The following ZNF384 variants were observed in gnomAD, a reference collection of about 807,000 sequenced individuals.
ZNF384 encodes zinc finger protein 384.
A neutral mutation model predicts 65.0 loss-of-function variants in ZNF384; 20 were observed. The ratio of observed to expected loss-of-function variants is 0.31; its 90% CI spans 0.22 to 0.45. The LOEUF (loss-of-function observed/expected upper bound fraction) is 0.45. Among genes scored for constraint, ZNF384 ranks in the 20% least tolerant of loss-of-function variants. ZNF384 has a pLI of 1.00. For missense variants in ZNF384, 549 were observed against 769.4 expected, an observed-to-expected ratio of 0.71 and a Z score of 3.39; for synonymous variants, 310 against 303.9, an observed-to-expected ratio of 1.02 and a Z score of -0.21.
In ZNF384 at chr12:6,667,972, GGCCTGGGCTTGAGCCTGAGCCTGA is replaced by G. The variant is rs761791479; in HGVS notation, c.1545_1568del (p.Gln520_Ala527del). The G allele has an allele frequency of 1.2e-5, 19 of 1,611,874 alleles. No individual in the cohort carries two copies. The South Asian group carries it at 1.4e-4, about 12-fold the overall frequency. Reference sequence around the variant, plus strand: ...GTGATGCCTGGGAGGCCTGGGCCTGGGCCTGGGCTTGAGCCTGAGCCTGAGCCTGGGCTTGAGCTTGAGCCTGGG... The same window carrying G: ...GTGATGCCTGGGAGGCCTGGGCCTGGGCCTGGGCTTGAGCTTGAGCCTGGG... On this transcript the variant is annotated inframe_deletion, in exon 12 of 12. Transcript: ENST00000683879.
chr12:6,688,409 G>A (rs1958732499), intron 1 of ZNF384, 183 bp from the exon 2 acceptor site: 1 of 152,254 alleles, frequency 6.6e-6, no homozygotes. Flanking sequence ...GTGGATACAA[G>A]AGAAATAAAT....
intron 2 of ZNF384, among the ~76,000 whole-genome samples, chr12:6,683,631 C>A: frequency 7.2e-6 from 1 of 139,332 alleles, no homozygotes. Context: ...CACCACAGTC[C>A]AGCCTGGGTG....
At position 6,672,096 on chromosome 12, in the gene ZNF384, G is replaced by C. The variant is rs1951716515; in HGVS notation, c.1187+254C>G. The C allele has an allele frequency of 2.3e-6, 1 of 438,576 alleles. No homozygotes were observed. Among genetic ancestry groups the C allele is most frequent in the Non-Finnish European group, 4.1e-6 (1 of 242,660 alleles). The allele number at this position is 438,576 out of a possible 1,614,324, so 27.2% of individuals were successfully genotyped here. On this transcript the variant is annotated intron_variant, in intron 9 of 11. Coordinates refer to ENST00000683879, the MANE Select transcript of ZNF384 (RefSeq NM_001385745.1). This position sits in a 1 kb window ranked among gnomAD's most constrained non-coding sequence, Gnocchi z 4.4. Reference sequence around the variant, plus strand: ...AAAGTTGTTTCTACTCCAGGTACGTGTCTGTCTCCCATGGATCAGTGAATA... The same window carrying C: ...AAAGTTGTTTCTACTCCAGGTACGTCTCTGTCTCCCATGGATCAGTGAATA...
Position 6,670,754 on chromosome 12 carries a change from A to G in ZNF384, c.1266+6T>C. The G allele has an allele frequency of 1.9e-6, 3 of 1,613,950 alleles. No homozygotes were observed. Among genetic ancestry groups the G allele is most frequent in the Non-Finnish European group, 2.5e-6 (3 of 1,179,884 alleles). ...CAAGGTCTTGTGTGGAGGGTGGAAC[A>G]TTTACCTGCAGATTGGAGAGTTGTG... On this transcript the variant is annotated splice_donor_region_variant and intron_variant, in intron 10 of 11. Transcript: ENST00000683879.
At chr12:6,674,419 G>C (rs999772510) in intron 7 of ZNF384, among the ~76,000 whole-genome samples, 3 of 152,236 alleles carry the variant, frequency 2.0e-5, no homozygotes, top group Non-Finnish European at 2.9e-5. Context: ...AGTGTAAAAT[G>C]GGAGCTGGTA....
chr12:6,679,165 T>G lies in ZNF384; in HGVS notation c.85A>C (p.Ile29Leu), dbSNP rs765233953. 8.8e-6 allele frequency: 14 copies of G among 1,589,364 alleles called. No individual in the cohort carries two copies. The highest frequency in any genetic ancestry group is 1.2e-5 in the Non-Finnish European group (14 of 1,165,864). ...VSGQIENTMF[I>L]NKMKDQLLPE... ...AACAGCTGATCCTTCATCTTGTTGATGAACATTGTGTTCTCGATCTAAGAG... is the reference window on the plus strand; with the variant it reads ...AACAGCTGATCCTTCATCTTGTTGAGGAACATTGTGTTCTCGATCTAAGAG... Residue 29 changes from isoleucine to leucine, a missense_variant, in exon 4 of 12, where the codon ATC becomes CTC. This residue lies in a region of ZNF384 where 277 missense variants were observed against 337.2 expected (regional missense o/e 0.82). Transcript: ENST00000683879.
In ZNF384 at chr12:6,668,104, A is replaced by T. The variant is rs1011038476; in HGVS notation, c.1437T>A (p.Leu479=). The change falls in exon 12 of 12, where the codon CTT becomes CTA. Residue 479 remains leucine (L), a synonymous_variant. Transcript: ENST00000683879. ...CSRAYTSETY[L]MKHMRKHNPP... ...GGTTGTGTTTGCGCATATGTTTCAT[A>T]AGGTATGTTTCCTGAGGGAGATGGT... 5.6e-6 allele frequency: 9 copies of T among 1,594,198 alleles called. No homozygotes were observed. Among genetic ancestry groups the T allele is most frequent in the Non-Finnish European group, 6.8e-6 (8 of 1,168,650 alleles).
At chr12:6,689,446 A>G (rs1959165924), upstream of ZNF384, 1 of 152,228 alleles carries the variant, frequency 6.6e-6, no homozygotes, top group Non-Finnish European at 1.5e-5. Context: ...ACAGGCTCAG[A>G]GAAGAGCTCT....
In ZNF384 at chr12:6,669,152, T is replaced by C. The variant is rs1176215245; in HGVS notation, c.1304A>G (p.Lys435Arg). 1 of 1,613,418 alleles carries C rather than the reference T, an allele frequency of 6.2e-7. No homozygotes were observed. The highest frequency in any genetic ancestry group is 8.5e-7 in the Non-Finnish European group (1 of 1,179,696). Residue 435 changes from lysine to arginine, a missense_variant, in exon 11 of 12, where the codon AAG (lysine) becomes AGG (arginine). Lys to Arg is a conservative substitution (Grantham distance 26). This residue lies in a region of ZNF384 where 38 missense variants were observed against 99.7 expected (regional missense o/e 0.38). Transcript: ENST00000683879. Reference protein sequence around the residue: ...RRQHNKDKPFKCHNCHRAYTD... With the variant: ...RRQHNKDKPFRCHNCHRAYTD... Reference sequence around the variant, plus strand: ...GTACGCCCGATGACAGTTGTGGCACTTGAAGGGTTTATCTTTGTTGTGTTG... The same window carrying C: ...GTACGCCCGATGACAGTTGTGGCACCTGAAGGGTTTATCTTTGTTGTGTTG...
At chr12:6,682,942 G>T (rs1436178575) in intron 2 of ZNF384, among the ~76,000 whole-genome samples, 1 of 152,202 alleles carries the variant, frequency 6.6e-6, no homozygotes, top group Non-Finnish European at 1.5e-5. Flanking sequence ...CTAGTGGAAA[G>T]AAATGACAGA....
At chr12:6,688,662 GCCTTCCCCCCA>G (rs1289125760) in intron 1 of ZNF384, 1 of 152,664 alleles carries the variant, frequency 6.6e-6, no homozygotes, top group East Asian at 1.9e-4. Context: ...ACTTCCTCTA[GCCTTCCCCCCA>G]CTTCTTCGAG....
At position 6,678,564 on chromosome 12, in the gene ZNF384, G is replaced by A. The variant is rs1280613978; in HGVS notation, c.352+99C>T. 45 of 1,444,018 alleles carry A rather than the reference G, an allele frequency of 3.1e-5. No homozygotes were observed. The Middle Eastern group carries it at 1.1e-3, about 36-fold the overall frequency. The allele number at this position is 1,444,018 out of a possible 1,614,324, so 89.5% of individuals were successfully genotyped here. A position where few individuals can be genotyped will look rare whatever the true frequency, so the allele number is the denominator to read the frequency against. ...TGTCTAATTAACCCCTCACCCCCCC[G>A]CCGACCCAACCCAGAGTACACAGGA... On this transcript the variant is annotated intron_variant, in intron 5 of 11. Transcript: ENST00000683879. This position sits in a 1 kb window ranked among gnomAD's most constrained non-coding sequence, Gnocchi z 4.9.
chr12:6,684,139 CAAT>C (rs1429686292), intron 2 of ZNF384, among the ~76,000 whole-genome samples: 2 of 152,146 alleles, frequency 1.3e-5, no homozygotes, highest in Non-Finnish European at 2.9e-5. Flanking sequence ...GTCCCTGCAA[CAAT>C]GAGGTAGGTA....
Position 6,672,615 on chromosome 12 carries a change from T to A in ZNF384, c.1005-83A>T. ...CAGCTCTCTGCTGGGTGAAATGACG[T>A]TGCTTGACGGATGAGAGCACCCCCT... On this transcript the variant is annotated intron_variant, in intron 8 of 11. Transcript: ENST00000683879. This position sits in a 1 kb window ranked among gnomAD's most constrained non-coding sequence, Gnocchi z 4.4. 7.1e-7 allele frequency: 1 copy of A among 1,405,416 alleles called. No individual in the cohort carries two copies. The highest frequency in any genetic ancestry group is 2.4e-5 in the East Asian group (1 of 41,648). 87.1% of individuals were successfully genotyped at this position (1,405,416 alleles called of 1,614,324 possible). A position where few individuals can be genotyped will look rare whatever the true frequency, so the allele number is the denominator to read the frequency against.
chr12:6,678,003 G>A lies in ZNF384; in HGVS notation c.686+124C>T. 1 of 855,150 alleles carries A rather than the reference G, an allele frequency of 1.2e-6. No homozygotes were observed. The highest frequency in any genetic ancestry group is 1.8e-6 in the Non-Finnish European group (1 of 542,392). 53.0% of individuals were successfully genotyped at this position (855,150 alleles called of 1,614,324 possible). A position where few individuals can be genotyped will look rare whatever the true frequency, so the allele number is the denominator to read the frequency against. On this transcript the variant is annotated intron_variant, in intron 6 of 11. Transcript: ENST00000683879. The surrounding 1 kb of genome is among the most constrained non-coding windows in gnomAD (Gnocchi z 4.9). The stretch of plus-strand genomic sequence containing the variant: ...CTATGATGGGACACCTGACATGCAA[G>A]TGGCTCAGAGCTGGGAAGCTGTCAG...
intron 10 of ZNF384, 48 bp from the exon 11 acceptor site, chr12:6,669,237 C>T (rs562402119): frequency 1.3e-6 from 2 of 1,548,236 alleles, no homozygotes; most frequent in South Asian, 1.2e-5. Context: ...ACTCTTTCCT[C>T]CTGCCCCCTT....
At chr12:6,668,695 G>A (rs368637410) in intron 11 of ZNF384, among the ~76,000 whole-genome samples, 3 of 149,364 alleles carry the variant, frequency 2.0e-5, no homozygotes, top group African/African-American at 7.4e-5. Flanking sequence ...GTGACAGGGC[G>A]AGACTGTGTC....
intron 7 of ZNF384, among the ~76,000 whole-genome samples, chr12:6,675,510 C>T (rs1953157029): frequency 6.6e-6 from 1 of 152,176 alleles, no homozygotes; most frequent in Non-Finnish European, 1.5e-5. Context: ...AAAATATTTC[C>T]AACTTGAAAA....
rs550687196 is a variant in ZNF384, at chr12:6,683,661, C to CAAAAAAA, written c.-5-4143_-5-4137dup. Reference sequence around the variant, plus strand: ...TGGGTGACAGAGCAAGACCCTGTCTCAAAAAAAAAAAAAAAAAAAAAGAAT... The same window carrying CAAAAAAA: ...TGGGTGACAGAGCAAGACCCTGTCTCAAAAAAAAAAAAAAAAAAAAAAAAAAAAGAAT... On this transcript the variant is annotated intron_variant, in intron 2 of 11. Transcript: ENST00000683879. Among the ~76,000 whole-genome samples, 10 of 66,652 alleles carry CAAAAAAA rather than the reference C, an allele frequency of 1.5e-4. No homozygotes were observed. The East Asian group carries it at 1.9e-3, about 12-fold the overall frequency. 43.7% of individuals were successfully genotyped at this position (66,652 alleles called of 152,430 possible).
Sources: allele counts gnomAD v4.1 joint callset (sites outside exome capture counted in the v4.1 genomes callset), GRCh38; gene constraint gnomAD v4.1.1; regional missense constraint gnomAD v4.1.1; non-coding constraint Gnocchi (gnomAD v3.1); transcripts MANE v1.5; gene names NCBI Gene and HGNC (gene_info 2026-07-23, HGNC 2026-07-21).